Variants in MTUS2 observed in about 807,000 individuals in gnomAD.
The protein encoded by MTUS2 is microtubule associated scaffold protein 2.
Under a neutral mutation model 114.1 loss-of-function variants are expected in MTUS2, and 40 were observed. The ratio of observed to expected loss-of-function variants is 0.35; its 90% CI spans 0.27 to 0.46. The LOEUF is 0.46. MTUS2 is among the 20% of genes least tolerant of loss of function. MTUS2 has a pLI of 1.00. For missense variants in MTUS2, 1,679 were observed against 1,705.4 expected, an observed-to-expected ratio of 0.98 and a Z score of 0.27; for synonymous variants, 688 against 672.0, an observed-to-expected ratio of 1.02 and a Z score of -0.37.
rs1566173069 is a variant in MTUS2, at chr13:29,389,443, G to GTGTGTGTATGTATACACGTGTGTGTGTA, written c.3117+29971_3117+29972insGTGTGTATGTATACACGTGTGTGTGTAT. Among the ~76,000 whole-genome samples, 3 of 81,238 alleles carry GTGTGTGTATGTATACACGTGTGTGTGTA rather than the reference G, an allele frequency of 3.7e-5. 1 individual carries two copies. The highest frequency in any genetic ancestry group is 9.1e-4 in the South Asian group (2 of 2,204). 53.3% of individuals were successfully genotyped at this position (81,238 alleles called of 152,430 possible). A position where few individuals can be genotyped will look rare whatever the true frequency, so the allele number is the denominator to read the frequency against. On this transcript the variant is annotated intron_variant, in intron 8 of 15. Transcript: ENST00000612955. Reference sequence around the variant, plus strand: ...TGTATGTATACACGTGTGTGTATGTGTATGTATACACGTGTGTGTATGTGT... The same window carrying GTGTGTGTATGTATACACGTGTGTGTGTA: ...TGTATGTATACACGTGTGTGTATGTGTGTGTGTATGTATACACGTGTGTGTGTATATGTATACACGTGTGTGTATGTGT...
intron 2 of MTUS2, among the ~76,000 whole-genome samples, chr13:28,924,139 G>T (rs913371167): frequency 6.6e-6 from 1 of 152,068 alleles, no homozygotes; most frequent in East Asian, 1.9e-4. Context: ...GGCAGGCCTG[G>T]GTTGCTTTCT....
At position 29,407,012 on chromosome 13, in the gene MTUS2, A is replaced by G. The variant is rs529077146; in HGVS notation, c.3118-32971A>G. Among the ~76,000 whole-genome samples, 179 of 152,280 alleles carry G rather than the reference A, an allele frequency of 1.2e-3. 1 individual carries two copies. Among genetic ancestry groups the G allele is most frequent in the African/African-American group, 4.2e-3 (175 of 41,578 alleles). On this transcript the variant is annotated intron_variant, in intron 8 of 15. Coordinates refer to ENST00000612955, the MANE Select transcript of MTUS2 (RefSeq NM_001033602.4). ...TGTAATCCCAGCACTTTGGGAGGCC[A>G]AAGCGGGTGATCACTTGAGGTCAGG...
At chr13:29,017,604 T>C (rs1233262692) in intron 2 of MTUS2, among the ~76,000 whole-genome samples, 1 of 152,202 alleles carries the variant, frequency 6.6e-6, no homozygotes, top group Admixed American at 6.5e-5. Flanking sequence ...CTTTTCTATC[T>C]ACTCTTACTT....
intron 7 of MTUS2, among the ~76,000 whole-genome samples, chr13:29,335,734 T>C (rs1357389603): frequency 6.6e-6 from 1 of 152,338 alleles, no homozygotes; most frequent in South Asian, 2.1e-4. Flanking sequence ...CCAATCGGCC[T>C]GTCTTGCTAG....
chr13:29,094,417 T>C (rs1408293379), intron 4 of MTUS2, among the ~76,000 whole-genome samples: 1 of 152,060 alleles, frequency 6.6e-6, no homozygotes, highest in East Asian at 1.9e-4. Flanking sequence ...ATTCAGCTTT[T>C]ATAGTTTGTA....
Position 29,149,045 on chromosome 13 carries a change from C to G in MTUS2, c.2644+48075C>G, listed in dbSNP as rs540908480. On this transcript the variant is annotated intron_variant, in intron 5 of 15. Coordinates refer to ENST00000612955, the MANE Select transcript of MTUS2 (RefSeq NM_001033602.4). ...TGATGTATATTCCTTTGGGTATGTA[C>G]CCAGTAATGAGACTGCTGGATCGGG... is the stretch of plus-strand genomic sequence containing the variant. 3.9e-5 allele frequency among the ~76,000 whole-genome samples: 6 copies of G among 152,182 alleles called. No individual in the cohort carries two copies. The South Asian group carries it at 1.2e-3, about 32-fold the overall frequency.
At chr13:29,085,011 C>G (rs1259836099) in intron 4 of MTUS2, among the ~76,000 whole-genome samples, 1 of 152,136 alleles carries the variant, frequency 6.6e-6, no homozygotes, top group Non-Finnish European at 1.5e-5. Flanking sequence ...TTAGTGCCAT[C>G]CCCTTGGTGA....
At chr13:28,935,163 C>T (rs987715799) in intron 2 of MTUS2, among the ~76,000 whole-genome samples, 10 of 151,968 alleles carry the variant, frequency 6.6e-5, no homozygotes, top group African/African-American at 2.4e-4. Context: ...TGTGAAGTGT[C>T]CTATAGTATG....
At chr13:28,936,140 G>A (rs1337930838) in intron 2 of MTUS2, among the ~76,000 whole-genome samples, 1 of 152,166 alleles carries the variant, frequency 6.6e-6, no homozygotes, top group Non-Finnish European at 1.5e-5. Flanking sequence ...TACAGGCCCT[G>A]AGCAGGAGGG....
intron 6 of MTUS2, among the ~76,000 whole-genome samples, chr13:29,285,184 A>C (rs1450418567): frequency 2.0e-5 from 3 of 148,196 alleles, no homozygotes; most frequent in Non-Finnish European, 4.5e-5. Context: ...CATATGATAA[A>C]AAACAAAACC....
chr13:29,397,137 C>A (rs1873965791), intron 8 of MTUS2, among the ~76,000 whole-genome samples: 1 of 152,156 alleles, frequency 6.6e-6, no homozygotes, highest in Non-Finnish European at 1.5e-5. Flanking sequence ...CAACAACTTA[C>A]AACTGACCCT....
chr13:28,907,252 G>T (rs1566214038), intron 2 of MTUS2, among the ~76,000 whole-genome samples: 1 of 151,518 alleles, frequency 6.6e-6, no homozygotes, highest in Non-Finnish European at 1.5e-5. Context: ...CCTGAAGGAA[G>T]CAGTAAACAT....
At chr13:29,083,460 G>T (rs1217622363) in intron 4 of MTUS2, among the ~76,000 whole-genome samples, 3 of 152,194 alleles carry the variant, frequency 2.0e-5, no homozygotes, top group African/African-American at 7.2e-5. Context: ...AGAGGTAAAG[G>T]AAAGTTTTGA....
chr13:29,032,822 T>G (rs1366642602), intron 3 of MTUS2, among the ~76,000 whole-genome samples: 1 of 152,218 alleles, frequency 6.6e-6, no homozygotes, highest in African/African-American at 2.4e-5. Flanking sequence ...GATATAAGTT[T>G]GACACATAAA....
At chr13:28,900,566 T>C (rs1198073007) in intron 2 of MTUS2, among the ~76,000 whole-genome samples, 4 of 152,226 alleles carry the variant, frequency 2.6e-5, no homozygotes, top group African/African-American at 7.2e-5. Flanking sequence ...ATTGACTTTT[T>C]CCCCTCAGAA....
chr13:29,360,053 T>C (rs1326243618), intron 8 of MTUS2, among the ~76,000 whole-genome samples: 1 of 152,216 alleles, frequency 6.6e-6, no homozygotes, highest in African/African-American at 2.4e-5. Flanking sequence ...TGGATCTGTG[T>C]GTGTATACTG....
At chr13:29,410,656 G>A (rs1875159328) in intron 8 of MTUS2, among the ~76,000 whole-genome samples, 2 of 152,108 alleles carry the variant, frequency 1.3e-5, no homozygotes, top group Admixed American at 1.3e-4. Flanking sequence ...GACACATGGT[G>A]CAAACATTTT....
intron 8 of MTUS2, among the ~76,000 whole-genome samples, chr13:29,435,544 T>C (rs187727168): frequency 1.1e-4 from 16 of 152,310 alleles, no homozygotes; most frequent in Admixed American, 2.0e-4. Flanking sequence ...CTAAGGGCCT[T>C]GCAAGATCAC....
intron 2 of MTUS2, among the ~76,000 whole-genome samples, chr13:28,971,103 G>T (rs1883835717): frequency 2.6e-5 from 4 of 152,154 alleles, no homozygotes; most frequent in Admixed American, 2.6e-4. Context: ...GAAAAATCGT[G>T]CCAGAAAGTA....
Sources: gnomAD v4.1 joint callset for allele counts (sites outside exome capture counted in the v4.1 genomes callset) on GRCh38, gnomAD v4.1.1 for gene constraint, MANE v1.5 for transcripts, NCBI Gene and HGNC (gene_info 2026-07-23, HGNC 2026-07-21) for gene names.